The following ZNF469 variants were observed in gnomAD, a reference collection of about 807,000 sequenced individuals.
ZNF469 encodes zinc finger protein 469.
ZNF469 carries 1 observed loss-of-function variant against 1.0 expected under a neutral mutation model. The ratio of observed to expected loss-of-function variants is 1.00; its 90% CI spans 0.35 to 4.73. The LOEUF (loss-of-function observed/expected upper bound fraction) is 4.73, where lower values mean the gene tolerates loss of function less well. Ranked by LOEUF, ZNF469 falls within the 30% of genes most tolerant of loss-of-function variation. The probability of loss-of-function intolerance (pLI) is 0.16; values close to 1 mark genes in which losing one functional copy is unlikely to be tolerated. For synonymous variants in ZNF469, 2,703 were observed against 2,363.4 expected (o/e 1.14, Z -4.17); for missense variants, 6,100 against 5,356.3 (o/e 1.14, Z -4.33).
At chr16:88,358,385 G>A in the ZNF469 span, among the ~76,000 whole-genome samples, 2 of 152,202 alleles carry the variant, frequency 1.3e-5, no homozygotes, top group South Asian at 4.1e-4. Flanking sequence ...GGGGCTGGGT[G>A]CATTTCCTGT....
chr16:88,299,674 C>G, the ZNF469 span, among the ~76,000 whole-genome samples: 1 of 152,176 alleles, frequency 6.6e-6, no homozygotes, highest in African/African-American at 2.4e-5. Context: ...AGCTGAGTGC[C>G]AATCCCTGCC....
chr16:88,281,939 A>C, the ZNF469 span, among the ~76,000 whole-genome samples: 2 of 152,236 alleles, frequency 1.3e-5, no homozygotes, highest in African/African-American at 4.8e-5. Flanking sequence ...GGGTCAGTGC[A>C]TGGATTGTAC....
chr16:88,159,461 C>T, the ZNF469 span, among the ~76,000 whole-genome samples: 4 of 152,132 alleles, frequency 2.6e-5, no homozygotes, highest in Non-Finnish European at 4.4e-5. Context: ...CTGTGGATCT[C>T]GTGTCCATGT....
At chr16:88,113,733 C>T in the ZNF469 span, among the ~76,000 whole-genome samples, 1 of 152,174 alleles carries the variant, frequency 6.6e-6, no homozygotes, top group Non-Finnish European at 1.5e-5. Context: ...TGCAGGGCCC[C>T]AGCTGTGAGG....
At chr16:88,404,630 G>A (rs560814524) in intron 1 of ZNF469, among the ~76,000 whole-genome samples, 47 of 152,324 alleles carry the variant, frequency 3.1e-4, no homozygotes, top group African/African-American at 9.1e-4. Flanking sequence ...GCCCACGGAC[G>A]TGCTGCTATG....
chr16:88,159,816 C>T, the ZNF469 span, among the ~76,000 whole-genome samples: 1 of 152,128 alleles, frequency 6.6e-6, no homozygotes, highest in African/African-American at 2.4e-5. Context: ...CAGCGGTGGG[C>T]AGTGAGGCTG....
chr16:88,257,115 ATTTTTT>A, the ZNF469 span, among the ~76,000 whole-genome samples: 83 of 117,052 alleles, frequency 7.1e-4, no homozygotes, highest in Admixed American at 1.3e-3. Context: ...TACCCCACTA[ATTTTTT>A]TTTTTTTTTT....
chr16:88,274,952 C>T, the ZNF469 span, among the ~76,000 whole-genome samples: 1 of 152,320 alleles, frequency 6.6e-6, no homozygotes, highest in South Asian at 2.1e-4. Context: ...CTTGGACACT[C>T]GCTCGCACAC....
chr16:88,399,496 G>A (rs1904793993), intron 1 of ZNF469, among the ~76,000 whole-genome samples: 1 of 152,170 alleles, frequency 6.6e-6, no homozygotes. Flanking sequence ...GGAGGGGGCT[G>A]CGTGAGAAGC....
the ZNF469 span, among the ~76,000 whole-genome samples, chr16:88,287,119 G>A: frequency 6.6e-6 from 1 of 152,310 alleles, no homozygotes; most frequent in South Asian, 2.1e-4. Context: ...GCCATATGCT[G>A]TTCTGTGACT....
the ZNF469 span, among the ~76,000 whole-genome samples, chr16:88,258,488 G>A: frequency 1.4e-5 from 2 of 146,266 alleles, no homozygotes; most frequent in East Asian, 2.0e-4. Context: ...TGGAGCCATC[G>A]GCTAAAGGAG....
At chr16:88,253,941 T>A in the ZNF469 span, among the ~76,000 whole-genome samples, 2 of 150,508 alleles carry the variant, frequency 1.3e-5, no homozygotes, top group African/African-American at 2.4e-5. Context: ...ACATTGTGAA[T>A]ATTTTCTCCT....
In ZNF469 at chr16:88,411,691, G is replaced by A. The variant is rs1597197848; in HGVS notation, c.-191-13116G>A. ...CAGGAGACGGCGGTGGCCTGAGGTG[G>A]CGCAGGGTGGATGCCAGCCCAAGTG... is the stretch of plus-strand genomic sequence containing the variant. On this transcript the variant is annotated intron_variant, in intron 1 of 2. Coordinates refer to ENST00000565624, the MANE Select transcript of ZNF469 (RefSeq NM_001367624.2). 1.3e-5 allele frequency among the ~76,000 whole-genome samples: 2 copies of A among 152,304 alleles called. 1 individual carries two copies.
In ZNF469 at chr16:88,439,500, CAGGTGGGCAGCATTCCCTTTCTTGCTGGA is replaced by C; in HGVS notation, c.*172_*200del. 1 of 754,222 alleles carries C rather than the reference CAGGTGGGCAGCATTCCCTTTCTTGCTGGA, an allele frequency of 1.3e-6. No individual in the cohort carries two copies. The highest frequency in any genetic ancestry group is 2.1e-6 in the Non-Finnish European group (1 of 465,490). The allele number at this position is 754,222 out of a possible 1,614,324, so 46.7% of individuals were successfully genotyped here. A position where few individuals can be genotyped will look rare whatever the true frequency, so the allele number is the denominator to read the frequency against. On this transcript the variant is annotated 3_prime_UTR_variant, in exon 3 of 3. Transcript: ENST00000565624. ...AGGTGGTGATGCTTTGAACAGGGCC[CAGGTGGGCAGCATTCCCTTTCTTGCTGGA>C]AGGCTGGGGGTGAAAGACGGGGCCA...
At chr16:88,185,324 C>T in the ZNF469 span, among the ~76,000 whole-genome samples, 1 of 152,126 alleles carries the variant, frequency 6.6e-6, no homozygotes, top group Non-Finnish European at 1.5e-5. Context: ...CACACATTCA[C>T]ATACACTCAC....
Position 88,436,748 on chromosome 16 carries a change from A to C in ZNF469, c.9278A>C (p.Glu3093Ala). 1 of 1,547,970 alleles carries C rather than the reference A, an allele frequency of 6.5e-7. No individual in the cohort carries two copies. Residue 3093 changes from glutamate (E) to alanine (A), a missense_variant, in exon 3 of 3, where the codon GAG becomes GCG. Transcript: ENST00000565624. Reference sequence around the variant, plus strand: ...CAGGGGCCACAGAGCCGAAGGACAGAGGAGGCTGCAGGGGCAGGGAGGGCC... The same window carrying C: ...CAGGGGCCACAGAGCCGAAGGACAGCGGAGGCTGCAGGGGCAGGGAGGGCC... ...SSQGPQSRRT[E>A]EAAGAGRAQG...
the ZNF469 span, among the ~76,000 whole-genome samples, chr16:88,315,963 C>T: frequency 6.6e-6 from 1 of 152,212 alleles, no homozygotes; most frequent in East Asian, 1.9e-4. Context: ...GGCCCTGACC[C>T]CACCCCCGGC....
chr16:88,186,181 TG>T, the ZNF469 span, among the ~76,000 whole-genome samples: 1 of 152,182 alleles, frequency 6.6e-6, no homozygotes, highest in Non-Finnish European at 1.5e-5. Flanking sequence ...TGGGTGTGGG[TG>T]GGCCCGGAGA....
chr16:88,433,080 C>T lies in ZNF469; in HGVS notation c.5610C>T (p.Gly1870=). 6.5e-7 allele frequency: 1 copy of T among 1,550,336 alleles called. No homozygotes were observed. Among genetic ancestry groups the T allele is most frequent in the Non-Finnish European group, 8.7e-7 (1 of 1,146,966 alleles). ...CCTCCTCACTGACTGCCCCCCGGGG[C>T]AGGGAGGCTTGGTTGGTCCCTGTGC... ...AGASSLTAPR[G]REAWLVPVPS... The change falls in exon 3 of 3, where the codon GGC becomes GGT. Residue 1870 remains glycine (G), a synonymous_variant. Coordinates refer to ENST00000565624, the MANE Select transcript of ZNF469 (RefSeq NM_001367624.2).
Sources: gnomAD v4.1 joint callset for allele counts (sites outside exome capture counted in the v4.1 genomes callset) on GRCh38, gnomAD v4.1.1 for gene constraint, MANE v1.5 for transcripts, NCBI Gene and HGNC (gene_info 2026-07-23, HGNC 2026-07-21) for gene names.